KCNH8: variants seen among roughly 807,000 people sequenced by gnomAD.
KCNH8 encodes the protein voltage-gated delayed rectifier potassium channel KCNH8.
KCNH8 carries 70 observed loss-of-function variants against 103.6 expected under a neutral mutation model. The observed-to-expected ratio is 0.68, with a 90% CI of 0.56 to 0.82. The LOEUF (loss-of-function observed/expected upper bound fraction) is 0.82, where lower values mean the gene tolerates loss of function less well. Among genes scored for constraint, KCNH8 ranks in the 40% least tolerant of loss-of-function variants. The pLI is 0.00. For missense variants in KCNH8, 1,217 were observed against 1,329.9 expected (o/e 0.92, Z 1.32); for synonymous variants, 498 against 489.4 (o/e 1.02, Z -0.23).
At chr3:19,469,455 T>A (rs375627326) in intron 11 of KCNH8, among the ~76,000 whole-genome samples, 157 of 152,256 alleles carry the variant, frequency 1.0e-3, no homozygotes, top group African/African-American at 3.5e-3. Context: ...GTTTTTTGTT[T>A]TTGAGATGGA....
intron 3 of KCNH8, among the ~76,000 whole-genome samples, chr3:19,308,612 A>G (rs1019195588): frequency 1.4e-5 from 2 of 143,162 alleles, no homozygotes. Flanking sequence ...TTTAAATTCC[A>G]ACAAGCCCAC....
chr3:19,467,772 T>C (rs920922056), intron 11 of KCNH8, among the ~76,000 whole-genome samples: 1 of 152,342 alleles, frequency 6.6e-6, no homozygotes, highest in Non-Finnish European at 1.5e-5. Context: ...CTGCTTGAAA[T>C]AGATCCCCAT....
chr3:19,412,551 T>G (rs1656279639), intron 7 of KCNH8, among the ~76,000 whole-genome samples: 1 of 151,786 alleles, frequency 6.6e-6, no homozygotes, highest in Non-Finnish European at 1.5e-5. Flanking sequence ...TGGGACCCTA[T>G]AAAGGGCTTC....
At chr3:19,499,007 A>G (rs2068513032) in intron 11 of KCNH8, among the ~76,000 whole-genome samples, 1 of 152,190 alleles carries the variant, frequency 6.6e-6, no homozygotes, top group African/African-American at 2.4e-5. Context: ...ATGGGAGGAC[A>G]TTCAAATCAA....
intron 3 of KCNH8, among the ~76,000 whole-genome samples, chr3:19,326,584 G>C (rs1000778820): frequency 3.3e-5 from 5 of 151,842 alleles, no homozygotes; most frequent in African/African-American, 1.2e-4. Context: ...CTGCTAAGCA[G>C]CTATTTCTTC....
At chr3:19,246,379 C>T (rs181140868) in intron 1 of KCNH8, among the ~76,000 whole-genome samples, 7 of 147,272 alleles carry the variant, frequency 4.8e-5, no homozygotes, top group East Asian at 2.0e-4. Flanking sequence ...CAGGTTCAAG[C>T]GATTCTCCTG....
intron 12 of KCNH8, among the ~76,000 whole-genome samples, chr3:19,511,800 T>C (rs565522215): frequency 2.0e-5 from 3 of 152,224 alleles, no homozygotes; most frequent in East Asian, 3.9e-4. Context: ...TACAAGAACT[T>C]CATAAGTAAA....
chr3:19,506,267 T>C (rs1484783954), intron 11 of KCNH8, among the ~76,000 whole-genome samples: 1 of 152,206 alleles, frequency 6.6e-6, no homozygotes, highest in Non-Finnish European at 1.5e-5. Flanking sequence ...ACGCTGGTTC[T>C]TTCTCATCTG....
chr3:19,247,239 A>C (rs187519926), intron 1 of KCNH8, among the ~76,000 whole-genome samples: 1 of 152,308 alleles, frequency 6.6e-6, no homozygotes, highest in African/African-American at 2.4e-5. Flanking sequence ...TAACCTCCTA[A>C]ATTTTGGCAG....
At chr3:19,408,608 C>G (rs139394254) in intron 7 of KCNH8, among the ~76,000 whole-genome samples, 1 of 151,640 alleles carries the variant, frequency 6.6e-6, no homozygotes, top group East Asian at 1.9e-4. Flanking sequence ...AAAATCAACA[C>G]AAAAAAAATT....
chr3:19,310,002 C>A (rs957178157), intron 3 of KCNH8, among the ~76,000 whole-genome samples: 1 of 151,798 alleles, frequency 6.6e-6, no homozygotes, highest in Non-Finnish European at 1.5e-5. Context: ...GCAGGAAGCT[C>A]CTGGGAGGAA....
At chr3:19,474,893 C>T (rs2067939080) in intron 11 of KCNH8, among the ~76,000 whole-genome samples, 1 of 152,034 alleles carries the variant, frequency 6.6e-6, no homozygotes, top group African/African-American at 2.4e-5. Context: ...TTCAGTCTTC[C>T]ATCTTGATAG....
chr3:19,435,164 A>G (rs1181481838), intron 7 of KCNH8, among the ~76,000 whole-genome samples: 1 of 152,140 alleles, frequency 6.6e-6, no homozygotes, highest in East Asian at 1.9e-4. Context: ...AAATATATAC[A>G]ATTTTTGTTT....
chr3:19,231,314 G>A (rs1043043218), intron 1 of KCNH8, among the ~76,000 whole-genome samples: 3 of 152,096 alleles, frequency 2.0e-5, no homozygotes, highest in Non-Finnish European at 2.9e-5. Context: ...AAAGGATTGT[G>A]TCATTCACTA....
chr3:19,495,144 T>C (rs1360126674), intron 11 of KCNH8, among the ~76,000 whole-genome samples: 1 of 152,162 alleles, frequency 6.6e-6, no homozygotes. Flanking sequence ...TCCCATTCCG[T>C]AGGTTGTCTT....
At chr3:19,331,671 T>C (rs2065511535) in intron 3 of KCNH8, among the ~76,000 whole-genome samples, 1 of 152,192 alleles carries the variant, frequency 6.6e-6, no homozygotes, top group Non-Finnish European at 1.5e-5. Flanking sequence ...AGGCATACAA[T>C]GCATAATAGT....
chr3:19,249,615 A>G (rs1158095394), intron 1 of KCNH8, among the ~76,000 whole-genome samples: 1 of 152,174 alleles, frequency 6.6e-6, no homozygotes. Flanking sequence ...GTCTTTTCTT[A>G]TATTCATAAA....
intron 3 of KCNH8, among the ~76,000 whole-genome samples, chr3:19,328,371 C>A (rs2065460075): frequency 6.6e-6 from 1 of 152,084 alleles, no homozygotes; most frequent in African/African-American, 2.4e-5. Flanking sequence ...GTATTTTAAT[C>A]TATTTGTTTC....
intron 11 of KCNH8, among the ~76,000 whole-genome samples, chr3:19,503,564 G>A (rs1317058391): frequency 6.6e-6 from 1 of 152,152 alleles, no homozygotes; most frequent in Non-Finnish European, 1.5e-5. Context: ...TTAAGAAAAT[G>A]TGGCACATAT....
Sources: gnomAD v4.1 joint callset for allele counts (sites outside exome capture counted in the v4.1 genomes callset) on GRCh38, gnomAD v4.1.1 for gene constraint, MANE v1.5 for transcripts, NCBI Gene and HGNC (gene_info 2026-07-23, HGNC 2026-07-21) for gene names.